SMAD9: variants seen among roughly 807,000 people sequenced by gnomAD.
The protein encoded by SMAD9 is MAD homolog 9.
In SMAD9, 36 loss-of-function variants were observed where a neutral mutation model predicts 46.1. The ratio of observed to expected loss-of-function variants is 0.78; its 90% confidence interval spans 0.60 to 1.03. The LOEUF is 1.03. Among genes scored for constraint, SMAD9 ranks in the 50% least tolerant of loss-of-function variants. SMAD9 has a pLI of 0.00. For synonymous variants in SMAD9, 245 were observed against 237.1 expected, an observed-to-expected ratio of 1.03 and a Z score of -0.31; for missense variants, 572 against 599.8, an observed-to-expected ratio of 0.95 and a Z score of 0.48.
chr13:36,868,944 A>G (rs890189230), intron 3 of SMAD9, among the ~76,000 whole-genome samples: 1 of 152,208 alleles, frequency 6.6e-6, no homozygotes, highest in Non-Finnish European at 1.5e-5. Context: ...AGTCACAAAG[A>G]TGAACTACCG....
chr13:36,899,536 T>C (rs1051380653), intron 1 of SMAD9, among the ~76,000 whole-genome samples: 1 of 152,116 alleles, frequency 6.6e-6, no homozygotes, highest in African/African-American at 2.4e-5. Context: ...TTCATGAAAA[T>C]GACAAATTCA....
chr13:36,882,153 T>C (rs1470675689), intron 1 of SMAD9, among the ~76,000 whole-genome samples: 1 of 152,076 alleles, frequency 6.6e-6, no homozygotes, highest in Non-Finnish European at 1.5e-5. Context: ...AAACAGACTT[T>C]ATTGCAGAGC....
Position 36,848,514 on chromosome 13 carries a change from A to ATGTGCTTT in SMAD9, c.*161_*162insAAAGCACA, listed in dbSNP as rs1249169312. ...ATTGCACTGTACTGGCATCAGGTTA[A>ATGTGCTTT]CTAGAAAGCACAAAACAAACGGTGA... is the stretch of plus-strand genomic sequence containing the variant. On this transcript the variant is annotated 3_prime_UTR_variant, in exon 7 of 7. Transcript: ENST00000379826. 1.3e-6 allele frequency: 1 copy of ATGTGCTTT among 748,512 alleles called. No homozygotes were observed. Among genetic ancestry groups the ATGTGCTTT allele is most frequent in the Non-Finnish European group, 2.3e-6 (1 of 433,202 alleles). The allele number at this position is 748,512 out of a possible 1,614,324, so 46.4% of individuals were successfully genotyped here. A position where few individuals can be genotyped will look rare whatever the true frequency, so the allele number is the denominator to read the frequency against.
intron 1 of SMAD9, among the ~76,000 whole-genome samples, chr13:36,902,788 T>C (rs2058587487): frequency 1.3e-5 from 2 of 152,180 alleles, no homozygotes; most frequent in African/African-American, 4.8e-5. Context: ...TGTTGTATTT[T>C]ACTTTTTAAA....
At chr13:36,876,554 TA>T (rs1164825421) in intron 2 of SMAD9, among the ~76,000 whole-genome samples, 1 of 152,198 alleles carries the variant, frequency 6.6e-6, no homozygotes, top group African/African-American at 2.4e-5. Flanking sequence ...TTATATTTTC[TA>T]AGTCTTTTTA....
At position 36,920,193 on chromosome 13, in the gene SMAD9, G is replaced by A. The variant is rs886050178; in HGVS notation, c.-264C>T. On this transcript the variant is annotated 5_prime_UTR_variant, in exon 1 of 7. Coordinates refer to ENST00000379826, the MANE Select transcript of SMAD9 (RefSeq NM_001127217.3). ...CCGAGACAGCGGCTGCAGCAGCGGC[G>A]GCGGCGGCGGCGGCGGCGGCGGCCC... The A allele has an allele frequency of 0.056, 2,040 of 36,502 alleles. 47 individuals carry two copies. Among genetic ancestry groups the A allele is most frequent in the African/African-American group, 0.11 (1,836 of 16,890 alleles). The allele number at this position is 36,502 out of a possible 1,614,324, so 2.3% of individuals were successfully genotyped here.
At chr13:36,903,149 CAG>C (rs2058591783) in intron 1 of SMAD9, among the ~76,000 whole-genome samples, 1 of 125,242 alleles carries the variant, frequency 8.0e-6, no homozygotes, top group East Asian at 2.6e-4. Context: ...TTTTTTGAGA[CAG>C]AGTCTTGCTC....
At chr13:36,870,066 A>C (rs2058276016) in intron 3 of SMAD9, among the ~76,000 whole-genome samples, 1 of 152,184 alleles carries the variant, frequency 6.6e-6, no homozygotes, top group East Asian at 1.9e-4. Flanking sequence ...TTTTGCTGTT[A>C]ATCATTCAGA....
rs2058045582 is a variant in SMAD9, at chr13:36,847,691, A to T, written c.*985T>A. 6.6e-6 allele frequency: 1 copy of T among 152,240 alleles called. No homozygotes were observed. The highest frequency in any genetic ancestry group is 2.4e-5 in the African/African-American group (1 of 41,456). 9.4% of individuals were successfully genotyped at this position (152,240 alleles called of 1,614,324 possible). A position where few individuals can be genotyped will look rare whatever the true frequency, so the allele number is the denominator to read the frequency against. ...TGCCAAGAGGCAGGAAAACGTGGCG[A>T]AAGAGTGCCCTTCCCAGGAGACTGG... is the stretch of plus-strand genomic sequence containing the variant. On this transcript the variant is annotated 3_prime_UTR_variant, in exon 7 of 7. Transcript: ENST00000379826.
At chr13:36,909,579 G>C (rs1280593023) in intron 1 of SMAD9, among the ~76,000 whole-genome samples, 1 of 152,072 alleles carries the variant, frequency 6.6e-6, no homozygotes, top group Non-Finnish European at 1.5e-5. Flanking sequence ...TTTAAGTTTG[G>C]AAGGGCCCAC....
chr13:36,915,457 TTAAG>T lies in SMAD9; in HGVS notation c.-187+4655_-187+4658del, dbSNP rs771728547. Among the ~76,000 whole-genome samples the T allele has an allele frequency of 1.1e-3, 174 of 152,226 alleles. 1 individual carries two copies. Among genetic ancestry groups the T allele is most frequent in the Middle Eastern group, 3.4e-3 (1 of 294 alleles). On this transcript the variant is annotated intron_variant, in intron 1 of 6. Transcript: ENST00000379826. The stretch of plus-strand genomic sequence containing the variant: ...AAAAAGAAAAGGAAGTGATCAGATA[TTAAG>T]TATTAAATTTCCCCAAGGGGAAATT...
intron 1 of SMAD9, among the ~76,000 whole-genome samples, chr13:36,881,682 T>G (rs2138511595): frequency 6.6e-6 from 1 of 152,380 alleles, no homozygotes; most frequent in South Asian, 2.1e-4. Context: ...CAGTTTGACT[T>G]ACACTCAGTT....
At chr13:36,875,242 AACAG>A (rs1351767524) in intron 2 of SMAD9, among the ~76,000 whole-genome samples, 1 of 152,216 alleles carries the variant, frequency 6.6e-6, no homozygotes, top group African/African-American at 2.4e-5. Context: ...TTTTGGAATA[AACAG>A]ACAATTACAA....
chr13:36,874,250 A>G (rs2058323956), intron 2 of SMAD9, among the ~76,000 whole-genome samples: 1 of 152,248 alleles, frequency 6.6e-6, no homozygotes, highest in Non-Finnish European at 1.5e-5. Flanking sequence ...GCAGAGCTCA[A>G]TTAATGAAGA....
At chr13:36,915,785 ATATT>A (rs1386116265) in intron 1 of SMAD9, among the ~76,000 whole-genome samples, 1 of 152,186 alleles carries the variant, frequency 6.6e-6, no homozygotes, top group Admixed American at 6.6e-5. Flanking sequence ...ATCCACCTTA[ATATT>A]TATGCCTTTT....
intron 6 of SMAD9, among the ~76,000 whole-genome samples, chr13:36,849,054 G>A (rs978250765): frequency 1.1e-4 from 17 of 152,226 alleles, no homozygotes; most frequent in East Asian, 1.9e-4. Context: ...CTGAATACTC[G>A]GATCTAGAGA....
At chr13:36,899,066 T>C (rs1460155705) in intron 1 of SMAD9, among the ~76,000 whole-genome samples, 1 of 152,128 alleles carries the variant, frequency 6.6e-6, no homozygotes, top group Admixed American at 6.6e-5. Flanking sequence ...AACTAATTAG[T>C]GAATTTAGCA....
chr13:36,869,728 C>T (rs1456858637), intron 3 of SMAD9, among the ~76,000 whole-genome samples: 2 of 151,892 alleles, frequency 1.3e-5, no homozygotes, highest in African/African-American at 4.8e-5. Flanking sequence ...ACTTGGAAGG[C>T]TGAGGCAGGA....
At chr13:36,874,209 C>T (rs561861496) in intron 2 of SMAD9, among the ~76,000 whole-genome samples, 5 of 152,206 alleles carry the variant, frequency 3.3e-5, no homozygotes, top group East Asian at 3.9e-4. Flanking sequence ...AAAGGACCTA[C>T]GTCTTCATGT....
Sources: gnomAD v4.1 joint callset for allele counts (sites outside exome capture counted in the v4.1 genomes callset) on GRCh38, gnomAD v4.1.1 for gene constraint, MANE v1.5 for transcripts, NCBI Gene and HGNC (gene_info 2026-07-23, HGNC 2026-07-21) for gene names.